Variants in CACNA1E observed in about 807,000 individuals in gnomAD.
CACNA1E encodes the protein calcium voltage-gated channel subunit alpha1 E.
In CACNA1E, 40 loss-of-function variants were observed where a neutral mutation model predicts 259.2. The observed-to-expected ratio is 0.15, with a 90% CI of 0.12 to 0.20. The LOEUF is 0.20. CACNA1E is among the 10% of genes least tolerant of loss of function. The probability of loss-of-function intolerance (pLI) is 1.00; values close to 1 mark genes in which losing one functional copy is unlikely to be tolerated. For synonymous variants in CACNA1E, 1,104 were observed against 1,138.5 expected, an observed-to-expected ratio of 0.97 and a Z score of 0.61; for missense variants, 1,874 against 3,040.1, an observed-to-expected ratio of 0.62 and a Z score of 9.02.
intron 2 of CACNA1E, among the ~76,000 whole-genome samples, chr1:181,414,166 T>C (rs1658088286): frequency 6.6e-6 from 1 of 152,202 alleles, no homozygotes. Flanking sequence ...AGTCCTAAAT[T>C]AAAGGAAGAT....
intron 1 of CACNA1E, among the ~76,000 whole-genome samples, chr1:181,345,860 C>T (rs1652551869): frequency 6.6e-6 from 1 of 152,164 alleles, no homozygotes; most frequent in Non-Finnish European, 1.5e-5. Context: ...TCACTGAGTA[C>T]TGTGGGAGGA....
intron 1 of CACNA1E, among the ~76,000 whole-genome samples, chr1:181,403,961 G>A (rs1657284719): frequency 6.6e-6 from 1 of 152,222 alleles, no homozygotes; most frequent in African/African-American, 2.4e-5. Context: ...ACACTGTCCA[G>A]AGGCAGAGAG....
At chr1:181,419,827 T>C (rs10910933) in intron 2 of CACNA1E, among the ~76,000 whole-genome samples, 39,522 of 152,210 alleles carry the variant, frequency 0.26, 5,196 homozygotes, top group Admixed American at 0.3. Context: ...TCCAGTTGAA[T>C]AGTCAGCAGT....
At position 181,511,517 on chromosome 1, in the gene CACNA1E, C is replaced by T. The variant is rs1337456812; in HGVS notation, c.512+7C>T. The T allele has an allele frequency of 6.2e-7, 1 of 1,613,174 alleles. No individual in the cohort carries two copies. The highest frequency in any genetic ancestry group is 8.5e-7 in the Non-Finnish European group (1 of 1,179,754). ...TCATCGTGGTCCTCAGTGGGTAAGT[C>T]CATTTTCTCTCTCTGTCTGTGTGTG... On this transcript the variant is annotated splice_region_variant and intron_variant, in intron 3 of 47. Transcript: ENST00000367573.
chr1:181,484,547 G>C (rs369949242), intron 1 of CACNA1E, among the ~76,000 whole-genome samples: 16 of 152,310 alleles, frequency 1.1e-4, no homozygotes, highest in South Asian at 8.3e-4. Context: ...AATAAAACAG[G>C]CTTTTGGGTG....
At chr1:181,535,791 G>A (rs1572134044) in intron 3 of CACNA1E, among the ~76,000 whole-genome samples, 1 of 151,426 alleles carries the variant, frequency 6.6e-6, no homozygotes, top group African/African-American at 2.4e-5. Flanking sequence ...GGGTTCCAGC[G>A]ATTTTCCTGC....
At position 181,565,069 on chromosome 1, in the gene CACNA1E, C is replaced by T. The variant is rs188610067; in HGVS notation, c.513-12697C>T. Among the ~76,000 whole-genome samples the T allele has an allele frequency of 3.5e-4, 53 of 152,230 alleles. No homozygotes were observed. The South Asian group carries it at 5.8e-3, about 17-fold the overall frequency. On this transcript the variant is annotated intron_variant, in intron 3 of 47. Coordinates refer to ENST00000367573, the MANE Select transcript of CACNA1E (RefSeq NM_001205293.3). ...GAATGGTCAGTGAGCATTGGTGTCA[C>T]CTTAAGTCACTAACTGCATTTACCC... is the stretch of plus-strand genomic sequence containing the variant.
At chr1:181,451,559 C>A (rs1408459132) in intron 2 of CACNA1E, among the ~76,000 whole-genome samples, 1 of 152,124 alleles carries the variant, frequency 6.6e-6, no homozygotes, top group Non-Finnish European at 1.5e-5. Context: ...GTGGCGCATG[C>A]CTGTAGTCCC....
At chr1:181,564,005 T>C (rs112657485) in intron 3 of CACNA1E, among the ~76,000 whole-genome samples, 2,410 of 152,306 alleles carry the variant, frequency 0.016, 55 homozygotes, top group African/African-American at 0.052. Context: ...GAAATGCTCA[T>C]GATTATCTAA....
chr1:181,694,169 A>G (rs1224123173), intron 7 of CACNA1E, among the ~76,000 whole-genome samples: 1 of 152,216 alleles, frequency 6.6e-6, no homozygotes, highest in African/African-American at 2.4e-5. Flanking sequence ...TTACCACGTG[A>G]TGTTTAATTC....
At chr1:181,457,584 A>T (rs1419483629) in intron 2 of CACNA1E, among the ~76,000 whole-genome samples, 2 of 152,100 alleles carry the variant, frequency 1.3e-5, no homozygotes, top group South Asian at 2.1e-4. Context: ...CTGCAGGGGG[A>T]GCCTAGCAGA....
intron 1 of CACNA1E, among the ~76,000 whole-genome samples, chr1:181,501,255 C>T (rs375553645): frequency 6.6e-6 from 1 of 152,208 alleles, no homozygotes; most frequent in Admixed American, 6.5e-5. Flanking sequence ...CTGTCTGTAA[C>T]TGCAAGGGGC....
At chr1:181,572,028 C>T (rs1650463604) in intron 3 of CACNA1E, among the ~76,000 whole-genome samples, 1 of 152,132 alleles carries the variant, frequency 6.6e-6, no homozygotes, top group Admixed American at 6.5e-5. Flanking sequence ...ACAAACATTG[C>T]ACTAAAAATT....
At chr1:181,384,461 G>C (rs1430817002) in intron 1 of CACNA1E, among the ~76,000 whole-genome samples, 2 of 152,142 alleles carry the variant, frequency 1.3e-5, no homozygotes, top group Non-Finnish European at 2.9e-5. Context: ...GGCCCTCCAA[G>C]CAACACTACT....
intron 37 of CACNA1E, among the ~76,000 whole-genome samples, chr1:181,773,695 C>T (rs957471565): frequency 6.6e-6 from 1 of 152,210 alleles, no homozygotes; most frequent in African/African-American, 2.4e-5. Flanking sequence ...CAGCTCACAG[C>T]TTCCAGGAAT....
chr1:181,606,438 A>G (rs1654244992), intron 6 of CACNA1E, among the ~76,000 whole-genome samples: 1 of 152,112 alleles, frequency 6.6e-6, no homozygotes. Flanking sequence ...TACCTCCAAA[A>G]TATATCCCCG....
rs1025185725 is a variant in CACNA1E, at chr1:181,807,437, C to T, written c.*8603C>T. The T allele has an allele frequency of 2.0e-5, 3 of 152,004 alleles. No homozygotes were observed. The highest frequency in any genetic ancestry group is 2.9e-5 in the Non-Finnish European group (2 of 68,034). 9.4% of individuals were successfully genotyped at this position (152,004 alleles called of 1,614,324 possible). A position where few individuals can be genotyped will look rare whatever the true frequency, so the allele number is the denominator to read the frequency against. The stretch of plus-strand genomic sequence containing the variant: ...CTCTTAGGAGATACTGTCCATTCTT[C>T]CTCCTGTCCACATCACTCCCCATTT... On this transcript the variant is annotated 3_prime_UTR_variant, in exon 48 of 48. Transcript: ENST00000367573.
chr1:181,418,568 T>A (rs149126317), intron 2 of CACNA1E, among the ~76,000 whole-genome samples: 1 of 152,196 alleles, frequency 6.6e-6, no homozygotes, highest in Non-Finnish European at 1.5e-5. Flanking sequence ...ATTCACCATC[T>A]TTACTTGTAC....
intron 3 of CACNA1E, among the ~76,000 whole-genome samples, chr1:181,564,354 G>A (rs543964800): frequency 6.6e-6 from 1 of 152,284 alleles, no homozygotes; most frequent in South Asian, 2.1e-4. Context: ...TCTTCATCAG[G>A]AGTAGATTTT....
Sources: gnomAD v4.1 joint callset for allele counts (sites outside exome capture counted in the v4.1 genomes callset) on GRCh38, gnomAD v4.1.1 for gene constraint, MANE v1.5 for transcripts, NCBI Gene and HGNC (gene_info 2026-07-23, HGNC 2026-07-21) for gene names.